The following ADGRL2 variants were observed in gnomAD, a reference collection of about 807,000 sequenced individuals.
ADGRL2 encodes calcium-independent alpha-latrotoxin receptor 2.
Under a neutral mutation model 157.4 loss-of-function variants are expected in ADGRL2, and 44 were observed. The ratio of observed to expected loss-of-function variants is 0.28; its 90% confidence interval spans 0.22 to 0.36. The LOEUF (loss-of-function observed/expected upper bound fraction) is 0.36. Ranked by LOEUF, ADGRL2 falls within the 10% of genes least tolerant of loss-of-function variation. The pLI is 1.00. For missense variants in ADGRL2, 1,510 were observed against 1,768.9 expected, an observed-to-expected ratio of 0.85 and a Z score of 2.63; for synonymous variants, 585 against 624.7, an observed-to-expected ratio of 0.94 and a Z score of 0.95.
At chr1:81,874,575 TTTTC>T (rs1409717212) in intron 2 of ADGRL2, among the ~76,000 whole-genome samples, 5 of 151,930 alleles carry the variant, frequency 3.3e-5, no homozygotes, top group Non-Finnish European at 5.9e-5. Flanking sequence ...CTGATCTGAG[TTTTC>T]TTTCTTTCTG....
At chr1:81,346,049 A>G (rs1662457624) in intron 1 of ADGRL2, among the ~76,000 whole-genome samples, 1 of 152,208 alleles carries the variant, frequency 6.6e-6, no homozygotes, top group Admixed American at 6.5e-5. Flanking sequence ...TTTCCATAAC[A>G]GTATCCACAG....
chr1:81,960,126 C>G (rs1654867965), intron 11 of ADGRL2, among the ~76,000 whole-genome samples: 1 of 152,068 alleles, frequency 6.6e-6, no homozygotes, highest in South Asian at 2.1e-4. Context: ...AAAGTTATTT[C>G]TCTTTGCATA....
intron 1 of ADGRL2, among the ~76,000 whole-genome samples, chr1:81,417,966 A>C (rs2077060419): frequency 6.6e-6 from 1 of 152,202 alleles, no homozygotes; most frequent in Non-Finnish European, 1.5e-5. Context: ...TTTTAAAAAA[A>C]TGTATTTTAA....
At chr1:81,342,041 CTTAG>C (rs1301496745) in intron 1 of ADGRL2, among the ~76,000 whole-genome samples, 2 of 152,212 alleles carry the variant, frequency 1.3e-5, no homozygotes, top group Non-Finnish European at 2.9e-5. Context: ...TGGAACTAGA[CTTAG>C]TTAGTGACAG....
intron 2 of ADGRL2, among the ~76,000 whole-genome samples, chr1:81,858,377 C>G (rs2093276447): frequency 1.3e-5 from 2 of 152,072 alleles, no homozygotes; most frequent in Non-Finnish European, 2.9e-5. Flanking sequence ...TCAGCAAATG[C>G]TATGTTTTTG....
chr1:81,520,801 C>T (rs536919170), intron 2 of ADGRL2, among the ~76,000 whole-genome samples: 8 of 152,126 alleles, frequency 5.3e-5, no homozygotes, highest in Non-Finnish European at 1.0e-4. Context: ...CTAATACAGT[C>T]TCTCTCATAA....
At chr1:81,800,357 G>T (rs994485723), upstream of ADGRL2, 18 of 152,298 alleles carry the variant, frequency 1.2e-4, no homozygotes, top group African/African-American at 3.8e-4. Flanking sequence ...CATTAACCCT[G>T]GAGCGTCCCC....
intron 1 of ADGRL2, among the ~76,000 whole-genome samples, chr1:81,741,532 C>G (rs1024922128): frequency 6.6e-6 from 1 of 151,998 alleles, no homozygotes; most frequent in Non-Finnish European, 1.5e-5. Context: ...ATCTCTTGCA[C>G]TTAAAATTTA....
At chr1:81,419,263 G>T (rs749677656) in intron 1 of ADGRL2, among the ~76,000 whole-genome samples, 1 of 152,134 alleles carries the variant, frequency 6.6e-6, no homozygotes, top group Admixed American at 6.5e-5. Context: ...GAGTGCAGTG[G>T]CCTGATTTCA....
At chr1:81,975,472 T>C (rs1572465682) in intron 17 of ADGRL2, among the ~76,000 whole-genome samples, 1 of 152,090 alleles carries the variant, frequency 6.6e-6, no homozygotes, top group Admixed American at 6.6e-5. Context: ...AGCAATTGGA[T>C]GGTAGAGACA....
At chr1:81,381,708 GC>G (rs1169874248) in intron 1 of ADGRL2, among the ~76,000 whole-genome samples, 7 of 151,868 alleles carry the variant, frequency 4.6e-5, no homozygotes, top group African/African-American at 1.7e-4. Context: ...ACATTGATTC[GC>G]CATTTTTGAT....
chr1:81,332,867 A>G (rs552209254), intron 1 of ADGRL2, among the ~76,000 whole-genome samples: 1 of 152,314 alleles, frequency 6.6e-6, no homozygotes, highest in East Asian at 1.9e-4. Context: ...TTTTAAAAGT[A>G]TATGTTTTTC....
At chr1:81,359,768 A>G (rs1196141431) in intron 1 of ADGRL2, among the ~76,000 whole-genome samples, 2 of 151,920 alleles carry the variant, frequency 1.3e-5, no homozygotes, top group South Asian at 2.1e-4. Flanking sequence ...TACCACCCCC[A>G]ACCTGTTTCT....
chr1:81,649,785 C>G (rs1477347247), intron 3 of ADGRL2, among the ~76,000 whole-genome samples: 1 of 152,122 alleles, frequency 6.6e-6, no homozygotes, highest in African/African-American at 2.4e-5. Flanking sequence ...AGGAGCACAG[C>G]TGTGAGTTAA....
chr1:81,784,728 A>AG (rs1352431054), intron 2 of ADGRL2, among the ~76,000 whole-genome samples: 3 of 21,774 alleles, frequency 1.4e-4, no homozygotes, highest in Non-Finnish European at 2.7e-4. Context: ...ACCCCGTCTC[A>AG]AAAAAAAAAA....
chr1:81,850,599 G>C (rs2092968629), intron 2 of ADGRL2, among the ~76,000 whole-genome samples: 1 of 151,806 alleles, frequency 6.6e-6, no homozygotes, highest in Non-Finnish European at 1.5e-5. Context: ...GACCTATTCA[G>C]TTCCTTTTTG....
chr1:81,341,035 T>G (rs1009132739), intron 1 of ADGRL2, among the ~76,000 whole-genome samples: 1 of 152,080 alleles, frequency 6.6e-6, no homozygotes, highest in Admixed American at 6.5e-5. Context: ...TTGAAACCTA[T>G]CACATGTCTA....
chr1:81,511,402 A>ACG (rs1169217034), intron 2 of ADGRL2, among the ~76,000 whole-genome samples: 2 of 137,288 alleles, frequency 1.5e-5, no homozygotes, highest in African/African-American at 2.9e-5. Flanking sequence ...AAAAGCGCGC[A>ACG]CACACACACA....
intron 1 of ADGRL2, among the ~76,000 whole-genome samples, chr1:81,817,975 G>GT (rs1285185093): frequency 2.6e-5 from 4 of 151,806 alleles, no homozygotes; most frequent in African/African-American, 9.7e-5. Context: ...ATCGGCCTGG[G>GT]TAACATAGCA....
Sources: allele counts gnomAD v4.1 joint callset (sites outside exome capture counted in the v4.1 genomes callset), GRCh38; gene constraint gnomAD v4.1.1; transcripts MANE v1.5; gene names NCBI Gene and HGNC (gene_info 2026-07-23, HGNC 2026-07-21).